ROBO2: variants seen among roughly 807,000 people sequenced by gnomAD.
ROBO2 encodes the protein roundabout guidance receptor 2, also known as roundabout homolog 2.
Under a neutral mutation model 160.8 loss-of-function variants are expected in ROBO2, and 53 were observed. The ratio of observed to expected loss-of-function variants is 0.33; its 90% CI spans 0.26 to 0.41. The LOEUF (loss-of-function observed/expected upper bound fraction) is 0.41. Among genes scored for constraint, ROBO2 ranks in the 10% least tolerant of loss-of-function variants. The pLI, the probability that ROBO2 is intolerant of heterozygous loss-of-function variation, is 1.00. For missense variants in ROBO2, 1,577 were observed against 1,722.4 expected (o/e 0.92, Z 1.49); for synonymous variants, 664 against 611.7 (o/e 1.09, Z -1.26).
chr3:76,492,846 T>C (rs1024637288), intron 2 of ROBO2, among the ~76,000 whole-genome samples: 2 of 152,208 alleles, frequency 1.3e-5, no homozygotes, highest in Non-Finnish European at 2.9e-5. Flanking sequence ...TATTTTATAG[T>C]AACATTCTAG....
At chr3:76,824,931 T>C (rs567466513) in intron 2 of ROBO2, among the ~76,000 whole-genome samples, 1 of 152,154 alleles carries the variant, frequency 6.6e-6, no homozygotes, top group African/African-American at 2.4e-5. Context: ...AAGCATGAAG[T>C]CACCTGCTGG....
At chr3:76,884,918 G>A (rs1426875243) in intron 2 of ROBO2, among the ~76,000 whole-genome samples, 2 of 151,930 alleles carry the variant, frequency 1.3e-5, no homozygotes, top group African/African-American at 2.4e-5. Context: ...GCTTAAAGAG[G>A]GTGAAATGAA....
chr3:77,164,692 T>C (rs1579542049), intron 2 of ROBO2, among the ~76,000 whole-genome samples: 1 of 95,114 alleles, frequency 1.1e-5, no homozygotes, highest in Non-Finnish European at 2.2e-5. Context: ...TGGCCAGCCG[T>C]GCTGTCCGGG....
intron 2 of ROBO2, among the ~76,000 whole-genome samples, chr3:76,302,413 G>A (rs1014929427): frequency 4.0e-5 from 6 of 151,884 alleles, no homozygotes; most frequent in African/African-American, 1.2e-4. Flanking sequence ...CCATTCCTTG[G>A]GATACCTATC....
chr3:76,095,586 C>T (rs137917918), intron 2 of ROBO2, among the ~76,000 whole-genome samples: 8 of 151,900 alleles, frequency 5.3e-5, no homozygotes, highest in Non-Finnish European at 1.2e-4. Flanking sequence ...CAACACTAAC[C>T]TATTATTAGG....
intron 2 of ROBO2, among the ~76,000 whole-genome samples, chr3:77,376,355 A>C (rs2072663392): frequency 6.6e-6 from 1 of 151,696 alleles, no homozygotes; most frequent in Non-Finnish European, 1.5e-5. Flanking sequence ...ACAGGGTTTC[A>C]CCATGTTAGA....
chr3:77,247,397 GA>G (rs1290573990), intron 2 of ROBO2, among the ~76,000 whole-genome samples: 1 of 152,138 alleles, frequency 6.6e-6, no homozygotes. Flanking sequence ...ATTTTAGAAT[GA>G]GGCTGTTCCG....
chr3:76,184,046 G>T (rs185127777), intron 2 of ROBO2, among the ~76,000 whole-genome samples: 7 of 152,224 alleles, frequency 4.6e-5, no homozygotes, highest in Non-Finnish European at 1.0e-4. Context: ...TCTTTCATTT[G>T]TGTGTGTCCC....
At chr3:76,433,308 T>C (rs2076522979) in intron 2 of ROBO2, among the ~76,000 whole-genome samples, 2 of 152,176 alleles carry the variant, frequency 1.3e-5, no homozygotes, top group African/African-American at 4.8e-5. Context: ...AAATGCAGTA[T>C]GTCCAGTTGA....
chr3:76,925,210 C>CA (rs147022230), intron 2 of ROBO2, among the ~76,000 whole-genome samples: 3,273 of 61,448 alleles, frequency 0.053, 90 homozygotes, highest in African/African-American at 0.13. Flanking sequence ...GACTCCGTCT[C>CA]AAAAAAAAAA....
At chr3:77,286,214 C>T (rs1000325388) in intron 2 of ROBO2, among the ~76,000 whole-genome samples, 2 of 151,364 alleles carry the variant, frequency 1.3e-5, no homozygotes, top group African/African-American at 2.4e-5. Context: ...GTTTAAAATA[C>T]CCCCAAAAGT....
intron 2 of ROBO2, among the ~76,000 whole-genome samples, chr3:77,313,688 A>T (rs1009966026): frequency 1.3e-5 from 2 of 151,982 alleles, no homozygotes; most frequent in Non-Finnish European, 2.9e-5. Context: ...CGTTTCAAGC[A>T]ATTCTCCTAC....
intron 2 of ROBO2, among the ~76,000 whole-genome samples, chr3:76,044,737 C>G (rs992027451): frequency 7.2e-5 from 11 of 152,014 alleles, no homozygotes; most frequent in African/African-American, 2.7e-4. Context: ...ATAAAATACT[C>G]TGGGATAAGT....
chr3:75,936,518 T>A (rs1947787105), intron 1 of ROBO2, among the ~76,000 whole-genome samples: 1 of 152,182 alleles, frequency 6.6e-6, no homozygotes, highest in African/African-American at 2.4e-5. Flanking sequence ...TGAAGGTGTT[T>A]ATCATTCTTA....
At chr3:77,192,860 G>T (rs2081985636) in intron 2 of ROBO2, among the ~76,000 whole-genome samples, 1 of 151,500 alleles carries the variant, frequency 6.6e-6, no homozygotes, top group South Asian at 2.1e-4. Flanking sequence ...CACCATGTTG[G>T]CCAGGCTGGT....
intron 2 of ROBO2, among the ~76,000 whole-genome samples, chr3:77,252,527 AC>A (rs1421811541): frequency 6.6e-6 from 1 of 151,806 alleles, no homozygotes; most frequent in Non-Finnish European, 1.5e-5. Flanking sequence ...TAGAAATAGA[AC>A]CAGGCGCAGT....
chr3:76,485,782 A>C (rs1560026394), intron 2 of ROBO2, among the ~76,000 whole-genome samples: 1 of 152,208 alleles, frequency 6.6e-6, no homozygotes, highest in South Asian at 2.1e-4. Flanking sequence ...GTAGGCTACT[A>C]TTGCTTTGGT....
rs149420385 is a variant in ROBO2, at chr3:76,230,056, C to A, written c.109+292454C>A. Among the ~76,000 whole-genome samples the A allele has an allele frequency of 2.0e-5, 3 of 152,218 alleles. No individual in the cohort carries two copies. The East Asian group carries it at 5.8e-4, about 30-fold the overall frequency. On this transcript the variant is annotated intron_variant, in intron 2 of 26. Coordinates refer to the ROBO2 transcript ENST00000487694. The stretch of plus-strand genomic sequence containing the variant: ...AACCATTGTTTCTTTAGCAAACAAT[C>A]AAGCCTTTTCTTAAAGAGCAAAAAA...
intron 20 of ROBO2, chr3:77,602,910 A>G (rs2094461356): frequency 2.2e-6 from 1 of 459,836 alleles, no homozygotes; most frequent in Non-Finnish European, 4.4e-6. Flanking sequence ...TGATGCCACT[A>G]TGACCTCTGC....
Sources: allele counts gnomAD v4.1 joint callset (sites outside exome capture counted in the v4.1 genomes callset), GRCh38; gene constraint gnomAD v4.1.1; transcripts MANE v1.5; gene names NCBI Gene and HGNC (gene_info 2026-07-23, HGNC 2026-07-21).